CSNK1G3: variants seen among roughly 807,000 people sequenced by gnomAD.
CSNK1G3 encodes casein kinase I isoform gamma-3.
A neutral mutation model predicts 64.3 loss-of-function variants in CSNK1G3; 23 were observed. The ratio of observed to expected loss-of-function variants is 0.36; its 90% CI spans 0.26 to 0.51. The LOEUF (loss-of-function observed/expected upper bound fraction) is 0.51, where lower values mean the gene tolerates loss of function less well. CSNK1G3 is among the 20% of genes least tolerant of loss of function. CSNK1G3 has a pLI of 0.96. For synonymous variants in CSNK1G3, 158 were observed against 162.2 expected (o/e 0.97, Z 0.20); for missense variants, 357 against 510.5 (o/e 0.70, Z 2.90).
chr5:123,614,895 T>C (rs17150513), exon 13 of CSNK1G3: 6,968 of 153,124 alleles, frequency 0.046, 231 homozygotes, highest in East Asian at 0.13. Context: ...TTGTGACATC[T>C]GCATTGATTT....
chr5:123,522,389 G>C (rs1298441444), intron 1 of CSNK1G3, among the ~76,000 whole-genome samples: 1 of 152,034 alleles, frequency 6.6e-6, no homozygotes, highest in African/African-American at 2.4e-5. Flanking sequence ...TGTCGTCCCA[G>C]CTACTTGGGA....
chr5:123,579,472 C>T (rs1789837539), intron 6 of CSNK1G3, among the ~76,000 whole-genome samples: 1 of 151,702 alleles, frequency 6.6e-6, no homozygotes, highest in Admixed American at 6.6e-5. Context: ...ACCAGGCACA[C>T]CTATATTTAT....
intron 10 of CSNK1G3, among the ~76,000 whole-genome samples, chr5:123,600,538 T>C (rs1186696758): frequency 1.3e-5 from 2 of 151,184 alleles, no homozygotes; most frequent in Admixed American, 6.6e-5. Flanking sequence ...GGCAGGAGAA[T>C]CGCTTGAACC....
At chr5:123,533,118 T>A (rs552215074) in intron 1 of CSNK1G3, among the ~76,000 whole-genome samples, 1 of 151,968 alleles carries the variant, frequency 6.6e-6, no homozygotes, top group Non-Finnish European at 1.5e-5. Context: ...CATTGACACT[T>A]TAAATAATGT....
At chr5:123,536,354 A>G (rs774850096) in intron 1 of CSNK1G3, among the ~76,000 whole-genome samples, 5 of 151,590 alleles carry the variant, frequency 3.3e-5, no homozygotes, top group African/African-American at 1.2e-4. Flanking sequence ...ATAAAAAGCT[A>G]TATATTTAAA....
In CSNK1G3 at chr5:123,605,405, G is replaced by C. The variant is rs190028577; in HGVS notation, c.1217+43G>C. On this transcript the variant is annotated intron_variant, in intron 12 of 12. Transcript: ENST00000345990. ...GCAGGCAGAAATAGCTCCATTGACT[G>C]TAATTTCAAAGATTTAGCATCATTT... The C allele has an allele frequency of 2.8e-3, 4,528 of 1,594,732 alleles. 40 individuals are homozygous for C. The highest frequency in any genetic ancestry group is 1.9e-3 in the Non-Finnish European group (2,206 of 1,170,060).
At chr5:123,613,148 A>G (rs1437836340) in intron 12 of CSNK1G3, among the ~76,000 whole-genome samples, 2 of 151,038 alleles carry the variant, frequency 1.3e-5, no homozygotes, top group Non-Finnish European at 2.9e-5. Context: ...TATTTGAAGG[A>G]TTGTGAGGCA....
At chr5:123,560,840 A>C (rs1032272467) in intron 4 of CSNK1G3, among the ~76,000 whole-genome samples, 1 of 152,118 alleles carries the variant, frequency 6.6e-6, no homozygotes, top group Non-Finnish European at 1.5e-5. Flanking sequence ...ATTATTGTTC[A>C]TTGGGTAAGA....
chr5:123,529,804 G>T (rs1464495844), intron 1 of CSNK1G3, among the ~76,000 whole-genome samples: 1 of 151,944 alleles, frequency 6.6e-6, no homozygotes, highest in Non-Finnish European at 1.5e-5. Flanking sequence ...TGCTTTTCTG[G>T]GTTTAGGTAC....
chr5:123,525,699 A>T (rs561961231), intron 1 of CSNK1G3, among the ~76,000 whole-genome samples: 1 of 152,214 alleles, frequency 6.6e-6, no homozygotes, highest in East Asian at 1.9e-4. Context: ...TCAGGCTTAA[A>T]AGTAGAAATA....
intron 10 of CSNK1G3, among the ~76,000 whole-genome samples, chr5:123,602,178 T>A (rs1161169588): frequency 6.6e-6 from 1 of 152,202 alleles, no homozygotes; most frequent in Non-Finnish European, 1.5e-5. Context: ...CTTTGAAGAT[T>A]ATCAAGGCAG....
intron 2 of CSNK1G3, 57 bp from the exon 3 acceptor site, chr5:123,553,050 A>C: frequency 1.0e-6 from 1 of 957,704 alleles, no homozygotes. Context: ...ACAGTTTTAT[A>C]TAATGTATCT....
At chr5:123,584,328 T>G (rs1250358225) in intron 6 of CSNK1G3, among the ~76,000 whole-genome samples, 2 of 152,224 alleles carry the variant, frequency 1.3e-5, no homozygotes, top group African/African-American at 4.8e-5. Flanking sequence ...GAAGTTGGCT[T>G]GTAATTCCTA....
At chr5:123,581,360 GTTTTTTTTTTTT>G (rs10612602) in intron 6 of CSNK1G3, among the ~76,000 whole-genome samples, 2 of 81,576 alleles carry the variant, frequency 2.5e-5, no homozygotes, top group East Asian at 3.6e-4. Context: ...TTTTGGGTTT[GTTTTTTTTTTTT>G]TTTTTTTTGG....
intron 8 of CSNK1G3, among the ~76,000 whole-genome samples, chr5:123,590,169 T>A (rs1461047662): frequency 6.6e-6 from 1 of 152,098 alleles, no homozygotes; most frequent in Admixed American, 6.6e-5. Context: ...CTTTTCCTAA[T>A]GAAATGAAGC....
Position 123,576,082 on chromosome 5 carries a change from T to C in CSNK1G3, c.673+119T>C, listed in dbSNP as rs1789097650. 1.0e-5 allele frequency: 6 copies of C among 602,916 alleles called. No individual in the cohort carries two copies. The East Asian group carries it at 1.4e-4, about 14-fold the overall frequency. The allele number at this position is 602,916 out of a possible 1,614,324, so 37.3% of individuals were successfully genotyped here. A position where few individuals can be genotyped will look rare whatever the true frequency, so the allele number is the denominator to read the frequency against. ...ATAATAGCTTTTATTATAATTTTCA[T>C]TTATCACATCTACCTAGAGTTTACT... On this transcript the variant is annotated intron_variant, in intron 6 of 12. Coordinates refer to ENST00000345990, the Ensembl canonical transcript of CSNK1G3.
At chr5:123,540,117 T>G (rs1228584332) in intron 1 of CSNK1G3, among the ~76,000 whole-genome samples, 1 of 152,184 alleles carries the variant, frequency 6.6e-6, no homozygotes, top group East Asian at 1.9e-4. Context: ...ATTTTCTGTT[T>G]TGTTGATTTT....
intron 1 of CSNK1G3, among the ~76,000 whole-genome samples, chr5:123,541,109 A>G (rs1020070774): frequency 6.6e-6 from 1 of 152,206 alleles, no homozygotes; most frequent in African/African-American, 2.4e-5. Flanking sequence ...GATCTACCAT[A>G]TACATACTGA....
chr5:123,592,449 TTCTC>T (rs958376142), intron 10 of CSNK1G3, among the ~76,000 whole-genome samples: 20 of 151,872 alleles, frequency 1.3e-4, no homozygotes, highest in Non-Finnish European at 4.4e-5. Context: ...GTTTTAATTT[TTCTC>T]TCTCTCTTTC....
Sources: gnomAD v4.1 joint callset for allele counts (sites outside exome capture counted in the v4.1 genomes callset) on GRCh38, gnomAD v4.1.1 for gene constraint, MANE v1.5 for transcripts, NCBI Gene and HGNC (gene_info 2026-07-23, HGNC 2026-07-21) for gene names.